The following PCDHGB2 variants were observed in gnomAD, a reference collection of about 807,000 sequenced individuals.
The protein encoded by PCDHGB2 is protocadherin gamma subfamily B, 2.
In PCDHGB2, 55 loss-of-function variants were observed where a neutral mutation model predicts 59.3. The ratio of observed to expected loss-of-function variants is 0.93; its 90% CI spans 0.75 to 1.16. PCDHGB2 has a LOEUF of 1.16. Ranked by LOEUF, PCDHGB2 falls within the 50% of genes most tolerant of loss-of-function variation. The pLI, the probability that PCDHGB2 is intolerant of heterozygous loss-of-function variation, is 0.00. For missense variants in PCDHGB2, 1,228 were observed against 1,198.5 expected (o/e 1.02, Z -0.36); for synonymous variants, 516 against 512.0 (o/e 1.01, Z -0.11).
At chr5:141,394,552 G>T (rs368792885) in intron 1 of PCDHGB2, 4 of 1,614,070 alleles carry the variant, frequency 2.5e-6, no homozygotes, top group East Asian at 4.5e-5. Flanking sequence ...CTGGCGCCCC[G>T]CTCCGCAGAG....
chr5:141,433,437 T>C (rs1422634356), intron 1 of PCDHGB2, among the ~76,000 whole-genome samples: 2 of 152,076 alleles, frequency 1.3e-5, no homozygotes, highest in Admixed American at 1.3e-4. Flanking sequence ...AGTCTCACTA[T>C]GTTGAGCAGG....
Position 141,489,992 on chromosome 5 carries a change from TC to T in PCDHGB2, c.2422-4812del. The T allele has an allele frequency of 6.2e-7, 1 of 1,614,216 alleles. No individual in the cohort carries two copies. The highest frequency in any genetic ancestry group is 8.5e-7 in the Non-Finnish European group (1 of 1,180,016). On this transcript the variant is annotated intron_variant, in intron 1 of 3. Coordinates refer to ENST00000522605, the MANE Select transcript of PCDHGB2 (RefSeq NM_018923.3). The surrounding 1 kb of genome is among the most constrained non-coding windows in gnomAD (Gnocchi z 4.5). The stretch of plus-strand genomic sequence containing the variant: ...CAATCCTCAGTTCTACGTGTGGGAA[TC>T]CCAGAGAATGCACCCATTGGTACTC...
intron 1 of PCDHGB2, among the ~76,000 whole-genome samples, chr5:141,479,878 A>G (rs1033313584): frequency 2.0e-5 from 3 of 152,170 alleles, no homozygotes; most frequent in African/African-American, 7.2e-5. Context: ...AGAACCCTAT[A>G]CATACTCTCA....
intron 1 of PCDHGB2, chr5:141,404,463 A>C: frequency 6.2e-7 from 1 of 1,612,548 alleles, no homozygotes. Flanking sequence ...CTCTCCACCT[A>C]TGTCTCTATT....
At chr5:141,496,869 A>G (rs2099772006) in intron 2 of PCDHGB2, among the ~76,000 whole-genome samples, 1 of 150,116 alleles carries the variant, frequency 6.7e-6, no homozygotes, top group African/African-American at 2.5e-5. Context: ...GAGACTGAAA[A>G]TTTGCAACAA....
intron 1 of PCDHGB2, among the ~76,000 whole-genome samples, chr5:141,464,525 A>G (rs919668801): frequency 3.3e-5 from 5 of 152,064 alleles, no homozygotes; most frequent in Non-Finnish European, 5.9e-5. Context: ...AGGCATATGT[A>G]GTTTTGTTAA....
intron 1 of PCDHGB2, among the ~76,000 whole-genome samples, chr5:141,450,487 G>A (rs1379694010): frequency 1.3e-5 from 2 of 151,938 alleles, no homozygotes; most frequent in African/African-American, 2.4e-5. Context: ...TTGTTTGTTT[G>A]TCTGTTTGTT....
At chr5:141,416,674 G>A (rs547618174) in intron 1 of PCDHGB2, 1 of 152,250 alleles carries the variant, frequency 6.6e-6, no homozygotes, top group South Asian at 2.1e-4. Flanking sequence ...TATATGCAAC[G>A]AAGGGAAATT....
At chr5:141,414,945 C>G in intron 1 of PCDHGB2, 2 of 1,614,098 alleles carry the variant, frequency 1.2e-6, no homozygotes, top group Non-Finnish European at 8.5e-7. Flanking sequence ...AGCCCGGCTA[C>G]CTGGTGACCA....
intron 1 of PCDHGB2, chr5:141,415,772 T>TTC: frequency 7.5e-7 from 1 of 1,332,986 alleles, no homozygotes; most frequent in Non-Finnish European, 9.6e-7. Flanking sequence ...TTTTTTTTTT[T>TTC]ACTTTCTGGT....
At chr5:141,365,031 A>C (rs766626786) in intron 1 of PCDHGB2, 14 of 1,613,758 alleles carry the variant, frequency 8.7e-6, no homozygotes, top group African/African-American at 1.3e-5. Flanking sequence ...ACGGTCCTCG[A>C]CGCAAACGAC....
chr5:141,485,247 G>T lies in PCDHGB2; in HGVS notation c.2422-9560G>T. On this transcript the variant is annotated intron_variant, in intron 1 of 3. Coordinates refer to ENST00000522605, the MANE Select transcript of PCDHGB2 (RefSeq NM_018923.3). The surrounding 1 kb of genome is among the most constrained non-coding windows in gnomAD (Gnocchi z 5.7). ...CTTTTGTTCCTCTTTTACCACCTGG[G>T]TTACGTTTGTGGGCAGATCCGCTAC... The T allele has an allele frequency of 2.5e-6, 4 of 1,614,156 alleles. No individual in the cohort carries two copies. The highest frequency in any genetic ancestry group is 3.4e-6 in the Non-Finnish European group (4 of 1,180,010).
intron 1 of PCDHGB2, chr5:141,390,614 G>C (rs184586504): frequency 4.8e-5 from 14 of 289,200 alleles, no homozygotes; most frequent in Admixed American, 2.4e-4. Context: ...TTTCCTTCTT[G>C]TTGACTAATA....
chr5:141,407,868 A>AAT (rs1474357780), intron 1 of PCDHGB2, among the ~76,000 whole-genome samples: 1 of 152,242 alleles, frequency 6.6e-6, no homozygotes, highest in Admixed American at 6.5e-5. Context: ...ATTTTCGAAG[A>AAT]ATATATACAT....
intron 1 of PCDHGB2, chr5:141,413,946 G>A: frequency 6.2e-7 from 1 of 1,613,414 alleles, no homozygotes; most frequent in Non-Finnish European, 8.5e-7. Flanking sequence ...GTGTTCCTGA[G>A]AATTTGCCTG....
At chr5:141,396,656 G>A (rs6580187) in intron 1 of PCDHGB2, 27,943 of 151,880 alleles carry the variant, frequency 0.18, 3,100 homozygotes, top group African/African-American at 0.31. Flanking sequence ...GTAAAAACTC[G>A]GTATAGGCTA....
chr5:141,372,682 C>T, intron 1 of PCDHGB2: 1 of 1,614,010 alleles, frequency 6.2e-7, no homozygotes, highest in Non-Finnish European at 8.5e-7. Flanking sequence ...TCCTCAAACA[C>T]CGAGTTTAAA....
intron 1 of PCDHGB2, chr5:141,372,343 G>A: frequency 6.2e-7 from 1 of 1,613,790 alleles, no homozygotes; most frequent in Non-Finnish European, 8.5e-7. Context: ...CGTGATGGAG[G>A]ACAGCAGCCT....
In PCDHGB2 at chr5:141,511,519, C is replaced by G; in HGVS notation, c.*346C>G. 2.7e-6 allele frequency: 1 copy of G among 367,516 alleles called. No homozygotes were observed. Among genetic ancestry groups the G allele is most frequent in the African/African-American group, 2.1e-5 (1 of 48,286 alleles). 22.8% of individuals were successfully genotyped at this position (367,516 alleles called of 1,614,324 possible). A position where few individuals can be genotyped will look rare whatever the true frequency, so the allele number is the denominator to read the frequency against. ...CCAAATCAATCAGGCCCATCCATCC[C>G]ATGCCTCCCTCCTCCCCACCCCACT... On this transcript the variant is annotated 3_prime_UTR_variant, in exon 4 of 4. Coordinates refer to ENST00000522605, the MANE Select transcript of PCDHGB2 (RefSeq NM_018923.3).
Sources: gnomAD v4.1 joint callset for allele counts (sites outside exome capture counted in the v4.1 genomes callset) on GRCh38, gnomAD v4.1.1 for gene constraint, Gnocchi (gnomAD v3.1) non-coding constraint, MANE v1.5 for transcripts, NCBI Gene and HGNC (gene_info 2026-07-23, HGNC 2026-07-21) for gene names.